Variants in GSDMC observed in about 807,000 individuals in gnomAD.
GSDMC encodes the protein gasdermin-C.
In GSDMC, 59 loss-of-function variants were observed where a neutral mutation model predicts 58.0. The ratio of observed to expected loss-of-function variants is 1.02; its 90% CI spans 0.82 to 1.26. The LOEUF is 1.26. Ranked by LOEUF, GSDMC falls within the 50% of genes most tolerant of loss-of-function variation. The pLI is 0.00. For synonymous variants in GSDMC, 241 were observed against 220.2 expected (o/e 1.09, Z -0.83); for missense variants, 659 against 598.5 (o/e 1.10, Z -1.06).
the GSDMC span, among the ~76,000 whole-genome samples, chr8:129,718,646 C>T: frequency 6.6e-6 from 1 of 152,082 alleles, no homozygotes. Flanking sequence ...GATCTAGAAC[C>T]AGAAATACCA....
At chr8:129,770,188 A>G (rs1255338188) in intron 3 of GSDMC, among the ~76,000 whole-genome samples, 2 of 152,244 alleles carry the variant, frequency 1.3e-5, no homozygotes, top group Non-Finnish European at 2.9e-5. Context: ...TATGCAATCA[A>G]AATTAAGCTG....
At chr8:129,772,917 C>G (rs1367456777) in intron 3 of GSDMC, among the ~76,000 whole-genome samples, 1 of 152,116 alleles carries the variant, frequency 6.6e-6, no homozygotes, top group Non-Finnish European at 1.5e-5. Flanking sequence ...GAACATACAC[C>G]ACAAACAAGT....
chr8:129,757,094 C>A (rs1322036931), intron 6 of GSDMC, among the ~76,000 whole-genome samples: 4 of 150,162 alleles, frequency 2.7e-5, no homozygotes, highest in East Asian at 2.0e-4. Context: ...GAAAACAATA[C>A]AAAAGATCAA....
the GSDMC span, among the ~76,000 whole-genome samples, chr8:129,732,484 G>T: frequency 6.6e-6 from 1 of 152,184 alleles, no homozygotes; most frequent in South Asian, 2.1e-4. Context: ...GAAGTGCCAA[G>T]GTCTCCAGAT....
At chr8:129,768,823 T>A (rs2033953570) in intron 3 of GSDMC, among the ~76,000 whole-genome samples, 2 of 152,222 alleles carry the variant, frequency 1.3e-5, no homozygotes, top group South Asian at 4.1e-4. Context: ...CTCATACCTA[T>A]AATCCCAGCA....
At chr8:129,757,246 AG>A (rs2033477239) in intron 6 of GSDMC, among the ~76,000 whole-genome samples, 1 of 152,106 alleles carries the variant, frequency 6.6e-6, no homozygotes, top group South Asian at 2.1e-4. Flanking sequence ...AGAAATTTAA[AG>A]GATCATTAGT....
intron 10 of GSDMC, 72 bp from the exon 11 acceptor site, chr8:129,750,642 C>T (rs1360187465): frequency 4.7e-6 from 7 of 1,478,716 alleles, no homozygotes; most frequent in East Asian, 2.3e-5. Flanking sequence ...GGAATGACAG[C>T]CTGTTTGCAC....
rs2033499702 is a variant in GSDMC, at chr8:129,757,787, T to C, written c.721+2758A>G. 2.0e-5 allele frequency among the ~76,000 whole-genome samples: 3 copies of C among 152,044 alleles called. No homozygotes were observed. The South Asian group carries it at 6.2e-4, about 31-fold the overall frequency. ...GGCTAGATTACTTGAGCTCAGGAGT[T>C]TGAGACCAGCCTGGGCAACATGGTG... On this transcript the variant is annotated intron_variant, in intron 6 of 13. Transcript: ENST00000276708.
chr8:129,741,471 G>A, the GSDMC span, among the ~76,000 whole-genome samples: 7 of 152,120 alleles, frequency 4.6e-5, no homozygotes, highest in Non-Finnish European at 1.0e-4. Context: ...TCCAGTCCAT[G>A]AACATGGGAT....
chr8:129,748,728 G>T lies in GSDMC; in HGVS notation c.1300C>A (p.Leu434Met), dbSNP rs776098748. The change falls in exon 14 of 14, where the codon CTG (leucine) becomes ATG (methionine). Residue 434 changes from leucine (L) to methionine (M), a missense_variant. Transcript: ENST00000276708. Reference protein sequence around the residue: ...LQQQELVRSILEPNFRYPWSI... With the variant: ...LQQQELVRSIMEPNFRYPWSI... ...CAGGGGTATCTGAAGTTTGGCTCCA[G>T]GATGCTCCTTACCTAGAAGAAAGAT... 4 of 1,530,320 alleles carry T rather than the reference G, an allele frequency of 2.6e-6. No homozygotes were observed. In the South Asian group the frequency reaches 5.2e-5, roughly 20 times the overall value. 94.8% of individuals were successfully genotyped at this position (1,530,320 alleles called of 1,614,324 possible).
At chr8:129,727,037 C>A in the GSDMC span, among the ~76,000 whole-genome samples, 1 of 133,586 alleles carries the variant, frequency 7.5e-6, no homozygotes, top group African/African-American at 3.1e-5. Context: ...TATTCACATA[C>A]TCATTTACGC....
intron 1 of GSDMC, among the ~76,000 whole-genome samples, chr8:129,783,330 A>G (rs377031342): frequency 6.6e-6 from 1 of 152,324 alleles, no homozygotes; most frequent in African/African-American, 2.4e-5. Flanking sequence ...ATGTGGTCTT[A>G]TATATGGAAC....
At chr8:129,733,964 T>C in the GSDMC span, among the ~76,000 whole-genome samples, 1 of 151,974 alleles carries the variant, frequency 6.6e-6, no homozygotes, top group Non-Finnish European at 1.5e-5. Flanking sequence ...GAATAAACAG[T>C]GTAGAGAACA....
chr8:129,781,661 C>T lies in GSDMC; in HGVS notation c.-4-4070G>A, dbSNP rs200969245. Among the ~76,000 whole-genome samples the T allele has an allele frequency of 8.5e-4, 129 of 151,480 alleles. 2 individuals are homozygous for T. The East Asian group carries it at 0.015, about 18-fold the overall frequency. ...TCAGGAGGCTGAGGCAGGAGAATGGCGTGAACCCAGGAGGTGGAGCTTGCA... is the reference window on the plus strand; with the variant it reads ...TCAGGAGGCTGAGGCAGGAGAATGGTGTGAACCCAGGAGGTGGAGCTTGCA... On this transcript the variant is annotated intron_variant, in intron 1 of 13. Transcript: ENST00000276708.
the GSDMC span, among the ~76,000 whole-genome samples, chr8:129,737,267 C>T: frequency 2.0e-5 from 3 of 152,184 alleles, no homozygotes; most frequent in African/African-American, 7.2e-5. Context: ...CAATGACTTT[C>T]TTCACAGAAT....
intron 4 of GSDMC, among the ~76,000 whole-genome samples, chr8:129,764,757 T>A (rs1044018711): frequency 1.1e-4 from 17 of 152,204 alleles, no homozygotes; most frequent in Admixed American, 1.1e-3. Context: ...CCACACACAT[T>A]TTTTAAAAAA....
In GSDMC at chr8:129,770,522, CA is replaced by C. The variant is rs2034013756; in HGVS notation, c.405-4730del. Among the ~76,000 whole-genome samples, 4 of 151,876 alleles carry C rather than the reference CA, an allele frequency of 2.6e-5. No homozygotes were observed. In the South Asian group the frequency reaches 8.3e-4, roughly 32 times the overall value. The stretch of plus-strand genomic sequence containing the variant: ...AATGTCCCAAATAGGTTGAAACCCT[CA>C]AAAAAATTAATCCCCCCAAAATTAA... On this transcript the variant is annotated intron_variant, in intron 3 of 13. Coordinates refer to ENST00000276708, the MANE Select transcript of GSDMC (RefSeq NM_031415.3).
chr8:129,728,824 T>G, the GSDMC span: 1 of 574,546 alleles, frequency 1.7e-6, no homozygotes, highest in Non-Finnish European at 3.3e-6. Flanking sequence ...GGACGGACCC[T>G]GAGCTGAGGT....
rs774567484 is a variant in GSDMC at position 129,750,519 on chromosome 8, T to C, written c.995A>G (p.Gln332Arg). 2 of 1,613,894 alleles carry C rather than the reference T, an allele frequency of 1.2e-6. No homozygotes were observed. Among genetic ancestry groups the C allele is most frequent in the East Asian group, 2.2e-5 (1 of 44,888 alleles). Residue 332 changes from glutamine to arginine, a missense_variant, in exon 11 of 14, where the codon CAG (glutamine) becomes CGG (arginine). Gln to Arg is a conservative substitution (Grantham distance 43). Coordinates refer to ENST00000276708, the MANE Select transcript of GSDMC (RefSeq NM_031415.3). ...GACATCCTGAACATCCTTTGAGAGCTGAGCCAGTGTCTTTATTTTCTGGAA... is the reference window on the plus strand; with the variant it reads ...GACATCCTGAACATCCTTTGAGAGCCGAGCCAGTGTCTTTATTTTCTGGAA... ...EVFQKIKTLAQLSKDVQDVMF... is the reference protein window; with the variant it reads ...EVFQKIKTLARLSKDVQDVMF...
Sources: allele counts gnomAD v4.1 joint callset (sites outside exome capture counted in the v4.1 genomes callset), GRCh38; gene constraint gnomAD v4.1.1; transcripts MANE v1.5; gene names NCBI Gene and HGNC (gene_info 2026-07-23, HGNC 2026-07-21).